The following SLC37A3 variants were observed in gnomAD, a reference collection of about 807,000 sequenced individuals.
SLC37A3 encodes the protein solute carrier family 37 member 3, also known as sugar phosphate exchanger 3.
A neutral mutation model predicts 67.1 loss-of-function variants in SLC37A3; 51 were observed. The observed-to-expected ratio is 0.76, with a 90% CI of 0.61 to 0.96. SLC37A3 has a LOEUF of 0.96. SLC37A3 is among the 40% of genes least tolerant of loss of function. The pLI, the probability that SLC37A3 is intolerant of heterozygous loss-of-function variation, is 0.00. For synonymous variants in SLC37A3, 214 were observed against 231.4 expected, an observed-to-expected ratio of 0.92 and a Z score of 0.68; for missense variants, 508 against 603.0, an observed-to-expected ratio of 0.84 and a Z score of 1.65.
Position 140,348,598 on chromosome 7 carries a change from TTATGGAAAAGATG to T in SLC37A3, c.1024+15_1024+27del, listed in dbSNP as rs779926682. On this transcript the variant is annotated intron_variant, in intron 10 of 14. Coordinates refer to ENST00000326232, the MANE Select transcript of SLC37A3 (RefSeq NM_207113.3). ...AAGATCACTAGTGACTAACTCTTTATTATGGAAAAGATGTATCACCGGCATACCTATGATCCCT... is the reference window on the plus strand; with the variant it reads ...AAGATCACTAGTGACTAACTCTTTATTATCACCGGCATACCTATGATCCCT... 39 of 1,583,678 alleles carry T rather than the reference TTATGGAAAAGATG, an allele frequency of 2.5e-5. No homozygotes were observed. In the East Asian group the frequency reaches 8.8e-4, roughly 36 times the overall value.
At chr7:140,345,082 T>C (rs1796500645) in intron 12 of SLC37A3, 134 bp downstream of exon 12, 1 of 741,712 alleles carries the variant, frequency 1.3e-6, no homozygotes. Context: ...AAAGGAGGCG[T>C]TTTTCCTTTT....
chr7:140,351,149 C>G (rs754067044), intron 9 of SLC37A3, 124 bp downstream of exon 9: 1 of 933,528 alleles, frequency 1.1e-6, no homozygotes. Flanking sequence ...TTCCTCAGCA[C>G]GTATATTCCT....
intron 14 of SLC37A3, 93 bp from the exon 15 acceptor site, chr7:140,335,597 ATTCAT>A: frequency 7.0e-7 from 1 of 1,426,736 alleles, no homozygotes; most frequent in East Asian, 2.3e-5. Context: ...GGACAATTAC[ATTCAT>A]TTTGACTTCA....
At chr7:140,350,238 G>A (rs964367489) in intron 9 of SLC37A3, among the ~76,000 whole-genome samples, 10 of 152,056 alleles carry the variant, frequency 6.6e-5, no homozygotes, top group Admixed American at 2.6e-4. Flanking sequence ...ACACACGGAC[G>A]GGTTGCGTGA....
At chr7:140,360,020 A>G (rs1797202118) in intron 5 of SLC37A3, among the ~76,000 whole-genome samples, 1 of 152,234 alleles carries the variant, frequency 6.6e-6, no homozygotes, top group Admixed American at 6.5e-5. Context: ...AGGGGAAAAA[A>G]GGTTTTACTT....
chr7:140,376,516 A>G (rs1798036444), intron 3 of SLC37A3, among the ~76,000 whole-genome samples: 1 of 152,114 alleles, frequency 6.6e-6, no homozygotes, highest in Non-Finnish European at 1.5e-5. Flanking sequence ...ATAAGCTACT[A>G]CACTTGCTCG....
At chr7:140,369,706 G>A (rs1387298807) in intron 3 of SLC37A3, 24 bp from the exon 4 acceptor site, 2 of 1,596,762 alleles carry the variant, frequency 1.3e-6, no homozygotes, top group Admixed American at 1.7e-5. Flanking sequence ...GCAGGAACAG[G>A]TCAGTCCCTG....
intron 4 of SLC37A3, among the ~76,000 whole-genome samples, chr7:140,368,984 G>A (rs1226671692): frequency 6.6e-6 from 1 of 152,002 alleles, no homozygotes; most frequent in East Asian, 1.9e-4. Context: ...CCTAAGTCAG[G>A]TCCTGCCGCT....
chr7:140,356,640 A>C (rs1797040912), intron 6 of SLC37A3, among the ~76,000 whole-genome samples: 1 of 152,078 alleles, frequency 6.6e-6, no homozygotes, highest in Non-Finnish European at 1.5e-5. Flanking sequence ...CCGAGATCGC[A>C]CCACTATACT....
rs1797524222 is a variant in SLC37A3 at position 140,364,571 on chromosome 7, GACAA to G, written c.292-84_292-81del. On this transcript the variant is annotated intron_variant, in intron 4 of 14. Coordinates refer to ENST00000326232, the MANE Select transcript of SLC37A3 (RefSeq NM_207113.3). ...GTAACATGCACTGCAAAGCAAATGA[GACAA>G]ACACAGATATTATTTAAAATTAACT... is the stretch of plus-strand genomic sequence containing the variant. 3 of 1,241,492 alleles carry G rather than the reference GACAA, an allele frequency of 2.4e-6. No individual in the cohort carries two copies. In the African/African-American group the frequency reaches 4.6e-5, roughly 19 times the overall value. 76.9% of individuals were successfully genotyped at this position (1,241,492 alleles called of 1,614,324 possible).
At chr7:140,348,497 G>A (rs1434385272) in intron 10 of SLC37A3, 129 bp downstream of exon 10, 2 of 817,010 alleles carry the variant, frequency 2.4e-6, no homozygotes, top group East Asian at 6.4e-5. Context: ...CTGTTTACTA[G>A]TAGGACAGTT....
chr7:140,362,621 C>A (rs1459359559), intron 5 of SLC37A3, among the ~76,000 whole-genome samples: 4 of 76,040 alleles, frequency 5.3e-5, no homozygotes, highest in East Asian at 4.8e-4. Flanking sequence ...GCTGCCCCTA[C>A]TGGGAAGTGA....
At chr7:140,341,103 T>C (rs754425406) in intron 13 of SLC37A3, among the ~76,000 whole-genome samples, 1 of 152,118 alleles carries the variant, frequency 6.6e-6, no homozygotes, top group African/African-American at 2.4e-5. Flanking sequence ...CAGCTAACTT[T>C]TTATTTTTTG....
Position 140,352,073 on chromosome 7 carries a change from G to A in SLC37A3, c.692C>T (p.Pro231Leu). The change falls in exon 8 of 15, where the codon CCA becomes CTA. Residue 231 changes from proline to leucine, a missense_variant. Physicochemically the swap from Pro to Leu is moderately conservative, Grantham distance 98. Transcript: ENST00000326232. ...IVIFFGLLVSPEEIGLSGIEA... is the reference protein window; with the variant it reads ...IVIFFGLLVSLEEIGLSGIEA... ...CGGCTTCTCCTCACCAATTTCTTCT[G>A]GTGACACCAGGAGTCCAAAGAAGAT... The A allele has an allele frequency of 5.0e-6, 8 of 1,611,770 alleles. No individual in the cohort carries two copies. Among genetic ancestry groups the A allele is most frequent in the Non-Finnish European group, 6.8e-6 (8 of 1,179,176 alleles).
rs1798196141 is a variant in SLC37A3 at position 140,380,229 on chromosome 7, G to C, written c.198+53C>G. The C allele has an allele frequency of 2.8e-6, 3 of 1,087,318 alleles. No homozygotes were observed. The South Asian group carries it at 4.0e-5, about 14-fold the overall frequency. The allele number at this position is 1,087,318 out of a possible 1,614,324, so 67.4% of individuals were successfully genotyped here. On this transcript the variant is annotated intron_variant, in intron 3 of 14. Transcript: ENST00000326232. ...CAAAAAAGAGCTTAAGAACAATCTA[G>C]GGGTGGGCACGGTCTCCTACTTCGA...
Position 140,345,959 on chromosome 7 carries a change from G to C in SLC37A3, c.1036C>G (p.Gln346Glu). The C allele has an allele frequency of 2.5e-6, 4 of 1,613,424 alleles. No individual in the cohort carries two copies. Among genetic ancestry groups the C allele is most frequent in the Non-Finnish European group, 3.4e-6 (4 of 1,179,546 alleles). The part of the protein sequence containing the change: ...DVGGIIGGTL[Q>E]GFISDVLQKR... ...TGTAGTACATCAGAGATGAAGCCTT[G>C]CAAAGTTCCACCTTCAAGCAGAGTG... is the stretch of plus-strand genomic sequence containing the variant. The change falls in exon 11 of 15, where the codon CAA (glutamine) becomes GAA (glutamate). Residue 346 changes from glutamine to glutamate, a missense_variant. Gln to Glu is a conservative substitution (Grantham distance 29). Coordinates refer to ENST00000326232, the MANE Select transcript of SLC37A3 (RefSeq NM_207113.3).
chr7:140,342,440 C>T (rs192032089), intron 13 of SLC37A3, among the ~76,000 whole-genome samples: 31 of 152,346 alleles, frequency 2.0e-4, no homozygotes, highest in Admixed American at 1.3e-3. Flanking sequence ...TACTCTGCTG[C>T]CTTCCTCTTT....
Position 140,357,368 on chromosome 7 carries a change from A to G in SLC37A3, c.521+1272T>C, listed in dbSNP as rs575675649. ...CTTTATTTGTAACCGCCCAAAACTG[A>G]AAACAACCCAAATGTTCATCCACAG... On this transcript the variant is annotated intron_variant, in intron 6 of 14. Coordinates refer to ENST00000326232, the MANE Select transcript of SLC37A3 (RefSeq NM_207113.3). 7.6e-4 allele frequency among the ~76,000 whole-genome samples: 115 copies of G among 152,316 alleles called. 1 individual carries two copies. Among genetic ancestry groups the G allele is most frequent in the African/African-American group, 2.7e-3 (111 of 41,572 alleles).
chr7:140,358,860 G>T (rs1326519922), intron 5 of SLC37A3, 75 bp from the exon 6 acceptor site: 2 of 1,570,884 alleles, frequency 1.3e-6, no homozygotes, highest in Non-Finnish European at 1.7e-6. Flanking sequence ...CTACCCACTT[G>T]CTTCAGAGTA....
Sources: allele counts gnomAD v4.1 joint callset (sites outside exome capture counted in the v4.1 genomes callset), GRCh38; gene constraint gnomAD v4.1.1; transcripts MANE v1.5; gene names NCBI Gene and HGNC (gene_info 2026-07-23, HGNC 2026-07-21).